Variants in CSMD1 observed in about 807,000 individuals in gnomAD.
CSMD1 encodes CUB and Sushi multiple domains 1.
A neutral mutation model predicts 417.5 loss-of-function variants in CSMD1; 213 were observed. That is an observed-to-expected ratio of 0.51 (90% confidence interval 0.46 to 0.57). The LOEUF is 0.57. Among genes scored for constraint, CSMD1 ranks in the 20% least tolerant of loss-of-function variants. The pLI is 0.00. For synonymous variants in CSMD1, 2,862 were observed against 1,736.8 expected (o/e 1.65, Z -16.11); for missense variants, 6,923 against 4,529.7 (o/e 1.53, Z -15.17).
At chr8:4,012,320 G>C (rs888119503) in intron 4 of CSMD1, among the ~76,000 whole-genome samples, 4 of 152,084 alleles carry the variant, frequency 2.6e-5, no homozygotes, top group South Asian at 2.1e-4. Flanking sequence ...ATCCTTGGTA[G>C]GGTGTCCAAG....
intron 15 of CSMD1, among the ~76,000 whole-genome samples, chr8:3,402,351 C>T (rs1297736869): frequency 6.6e-6 from 1 of 152,012 alleles, no homozygotes; most frequent in African/African-American, 2.4e-5. Context: ...CTAAAAAAAT[C>T]ACCCGTTTTC....
chr8:3,834,233 T>C (rs1265059623), intron 5 of CSMD1, among the ~76,000 whole-genome samples: 3 of 152,196 alleles, frequency 2.0e-5, no homozygotes, highest in Non-Finnish European at 4.4e-5. Flanking sequence ...GAATTGCTCC[T>C]AAGGCCCCCT....
chr8:3,978,897 G>A (rs754137531), intron 5 of CSMD1, among the ~76,000 whole-genome samples: 3 of 152,166 alleles, frequency 2.0e-5, no homozygotes, highest in Admixed American at 6.5e-5. Context: ...TGGGAACAGT[G>A]AGAAGACAAG....
chr8:4,418,375 A>AC (rs901242193), intron 3 of CSMD1, among the ~76,000 whole-genome samples: 1 of 152,130 alleles, frequency 6.6e-6, no homozygotes, highest in African/African-American at 2.4e-5. Context: ...TACCATCATG[A>AC]CCACCAGTAA....
intron 12 of CSMD1, among the ~76,000 whole-genome samples, chr8:3,456,077 A>G (rs894653732): frequency 6.6e-6 from 1 of 152,152 alleles, no homozygotes; most frequent in Non-Finnish European, 1.5e-5. Flanking sequence ...CTCAGCAATG[A>G]GCAAGCCTTC....
intron 1 of CSMD1, among the ~76,000 whole-genome samples, chr8:4,666,913 T>TA (rs1002260191): frequency 8.6e-5 from 13 of 151,582 alleles, no homozygotes; most frequent in Admixed American, 2.6e-4. Flanking sequence ...GTTACCTAAT[T>TA]AAAAAAAAAG....
At chr8:4,238,580 C>G (rs1043085584) in intron 3 of CSMD1, among the ~76,000 whole-genome samples, 1 of 152,168 alleles carries the variant, frequency 6.6e-6, no homozygotes, top group Non-Finnish European at 1.5e-5. Flanking sequence ...GTCCATATTA[C>G]TTAACTCTAA....
intron 5 of CSMD1, among the ~76,000 whole-genome samples, chr8:3,756,569 C>A (rs994920918): frequency 6.6e-6 from 1 of 152,072 alleles, no homozygotes. Context: ...CTAATAGTAT[C>A]CAAAGCCCTC....
At chr8:4,843,308 C>A (rs1200692708) in intron 1 of CSMD1, among the ~76,000 whole-genome samples, 3 of 152,092 alleles carry the variant, frequency 2.0e-5, no homozygotes, top group Non-Finnish European at 4.4e-5. Flanking sequence ...GTATTTCTAC[C>A]ACCAGAGATT....
chr8:4,768,510 T>G (rs1293457802), intron 1 of CSMD1, among the ~76,000 whole-genome samples: 2 of 152,232 alleles, frequency 1.3e-5, no homozygotes, highest in African/African-American at 4.8e-5. Flanking sequence ...GCTGAGTTAT[T>G]TGGGATGAAA....
At chr8:4,867,928 C>G (rs4875121) in intron 1 of CSMD1, among the ~76,000 whole-genome samples, 137,713 of 152,022 alleles carry the variant, frequency 0.91, 63,536 homozygotes, top group Non-Finnish European at 0.98. Context: ...TAAGACCCTA[C>G]TGTCTACGTG....
intron 1 of CSMD1, among the ~76,000 whole-genome samples, chr8:4,863,646 C>T (rs1199064867): frequency 6.6e-6 from 1 of 152,014 alleles, no homozygotes; most frequent in Non-Finnish European, 1.5e-5. Context: ...CCAGGGGACA[C>T]AGCAAGAATG....
At chr8:3,689,621 G>T (rs1399771952) in intron 7 of CSMD1, among the ~76,000 whole-genome samples, 1 of 152,140 alleles carries the variant, frequency 6.6e-6, no homozygotes, top group Non-Finnish European at 1.5e-5. Flanking sequence ...AATATTTAGA[G>T]TGTGCTTACT....
intron 1 of CSMD1, among the ~76,000 whole-genome samples, chr8:4,846,517 T>C (rs905139027): frequency 2.0e-5 from 3 of 152,196 alleles, no homozygotes; most frequent in Non-Finnish European, 4.4e-5. Flanking sequence ...ACAACCGACA[T>C]TGCTGTTTTG....
In CSMD1 at chr8:4,982,965, G is replaced by A. The variant is rs1033465935; in HGVS notation, c.85+11367C>T. On this transcript the variant is annotated intron_variant, in intron 1 of 69. Coordinates refer to ENST00000635120, the MANE Select transcript of CSMD1 (RefSeq NM_033225.6). Reference sequence around the variant, plus strand: ...TAATGTAATTCTTTAAAATTAAAAAGCGGAGAGATAAAATAGTCATGAAGA... The same window carrying A: ...TAATGTAATTCTTTAAAATTAAAAAACGGAGAGATAAAATAGTCATGAAGA... Among the ~76,000 whole-genome samples, 28 of 152,126 alleles carry A rather than the reference G, an allele frequency of 1.8e-4. No homozygotes were observed. In the East Asian group the frequency reaches 4.4e-3, roughly 24 times the overall value.
chr8:4,449,145 G>A (rs867712573), intron 2 of CSMD1, among the ~76,000 whole-genome samples: 30 of 152,174 alleles, frequency 2.0e-4, no homozygotes, highest in Admixed American at 5.9e-4. Context: ...ACCAGACTTT[G>A]CAAATATTTA....
At chr8:4,232,019 G>A (rs1167577912) in intron 3 of CSMD1, among the ~76,000 whole-genome samples, 3 of 152,192 alleles carry the variant, frequency 2.0e-5, no homozygotes, top group African/African-American at 2.4e-5. Flanking sequence ...TAGGACGTAA[G>A]TATGAAACAA....
intron 1 of CSMD1, among the ~76,000 whole-genome samples, chr8:4,915,461 C>G (rs932094696): frequency 3.3e-5 from 5 of 152,192 alleles, no homozygotes; most frequent in African/African-American, 7.2e-5. Context: ...TGCGTACAAT[C>G]TTCCTTTCCT....
rs75758171 is a variant in CSMD1, at chr8:3,626,459, G to A, written c.1010-9662C>T. The stretch of plus-strand genomic sequence containing the variant: ...GCAACTTAAAAATGTGGAAAGAAAT[G>A]GGAAAAAGTCTTAAAGTCGTTATAT... On this transcript the variant is annotated intron_variant, in intron 7 of 69. Transcript: ENST00000635120. Among the ~76,000 whole-genome samples, 1,513 of 152,052 alleles carry A rather than the reference G, an allele frequency of 1.0e-2. 32 individuals are homozygous for A. The highest frequency in any genetic ancestry group is 0.035 in the African/African-American group (1,445 of 41,458).
Sources: allele counts gnomAD v4.1 joint callset (sites outside exome capture counted in the v4.1 genomes callset), GRCh38; gene constraint gnomAD v4.1.1; transcripts MANE v1.5; gene names NCBI Gene and HGNC (gene_info 2026-07-23, HGNC 2026-07-21).